BNC2: variants seen among roughly 807,000 people sequenced by gnomAD.
The protein encoded by BNC2 is basonuclin zinc finger protein 2.
BNC2 carries 20 observed loss-of-function variants against 76.3 expected under a neutral mutation model. The ratio of observed to expected loss-of-function variants is 0.26; its 90% CI spans 0.18 to 0.38. The LOEUF (loss-of-function observed/expected upper bound fraction) is 0.38, where lower values mean the gene tolerates loss of function less well. Ranked by LOEUF, BNC2 falls within the 10% of genes least tolerant of loss-of-function variation. The pLI, the probability that BNC2 is intolerant of heterozygous loss-of-function variation, is 1.00. For missense variants in BNC2, 1,382 were observed against 1,399.8 expected (o/e 0.99, Z 0.20); for synonymous variants, 582 against 514.8 (o/e 1.13, Z -1.77).
chr9:16,725,174 T>C (rs1824272850), intron 3 of BNC2, among the ~76,000 whole-genome samples: 1 of 151,210 alleles, frequency 6.6e-6, no homozygotes, highest in African/African-American at 2.4e-5. Flanking sequence ...AATGGCTGGC[T>C]TCAAGAGATA....
At chr9:16,425,081 G>C (rs1167076692) in intron 6 of BNC2, among the ~76,000 whole-genome samples, 1 of 152,080 alleles carries the variant, frequency 6.6e-6, no homozygotes, top group Non-Finnish European at 1.5e-5. Context: ...CCAAATGTAA[G>C]GAAGTACATA....
chr9:16,857,419 G>A (rs1011706800), intron 1 of BNC2, among the ~76,000 whole-genome samples: 7 of 144,284 alleles, frequency 4.9e-5, no homozygotes, highest in Non-Finnish European at 1.0e-4. Context: ...GGAGGTTGCA[G>A]TGAGCCGACA....
At chr9:16,481,157 G>A (rs1587078710) in intron 5 of BNC2, among the ~76,000 whole-genome samples, 1 of 152,222 alleles carries the variant, frequency 6.6e-6, no homozygotes, top group South Asian at 2.1e-4. Context: ...TAACTAATCT[G>A]ATGGGGAGGT....
chr9:16,723,151 T>C (rs913812722), intron 3 of BNC2, among the ~76,000 whole-genome samples: 1 of 152,150 alleles, frequency 6.6e-6, no homozygotes, highest in Non-Finnish European at 1.5e-5. Flanking sequence ...TTAGTCAATT[T>C]AATCCTTTTT....
chr9:16,424,039 C>T (rs570077030), intron 6 of BNC2, among the ~76,000 whole-genome samples: 1 of 152,218 alleles, frequency 6.6e-6, no homozygotes, highest in South Asian at 2.1e-4. Context: ...TTGATGAAAA[C>T]TTTACCATGC....
chr9:16,608,284 T>C (rs1436490885), intron 3 of BNC2, among the ~76,000 whole-genome samples: 1 of 152,102 alleles, frequency 6.6e-6, no homozygotes, highest in Non-Finnish European at 1.5e-5. Context: ...ACATTAGAAA[T>C]ATTTTGCTTA....
chr9:16,668,982 G>A (rs1173174793), intron 3 of BNC2, among the ~76,000 whole-genome samples: 1 of 152,008 alleles, frequency 6.6e-6, no homozygotes, highest in Non-Finnish European at 1.5e-5. Flanking sequence ...TGTTCCTTCT[G>A]TCTCTACAGA....
intron 1 of BNC2, among the ~76,000 whole-genome samples, chr9:16,741,463 A>C (rs1162246144): frequency 2.0e-5 from 3 of 151,972 alleles, no homozygotes; most frequent in African/African-American, 7.3e-5. Flanking sequence ...CAAAAAAAAA[A>C]AATGAAACTC....
intron 1 of BNC2, among the ~76,000 whole-genome samples, chr9:16,747,466 T>G (rs148717675): frequency 6.6e-6 from 1 of 152,248 alleles, no homozygotes; most frequent in South Asian, 2.1e-4. Context: ...CCAGGTACTA[T>G]GCAAAACATA....
chr9:16,435,111 AAAT>A, intron 6 of BNC2: 1 of 471,288 alleles, frequency 2.1e-6, no homozygotes, highest in Non-Finnish European at 4.4e-6. Context: ...TATATTGGAT[AAAT>A]ATGTGTGTAT....
chr9:16,706,743 T>C (rs1271470149), intron 3 of BNC2, among the ~76,000 whole-genome samples: 3 of 152,098 alleles, frequency 2.0e-5, no homozygotes, highest in Non-Finnish European at 2.9e-5. Context: ...GCCATGCTAA[T>C]TCATGAGAGG....
intron 1 of BNC2, among the ~76,000 whole-genome samples, chr9:16,845,845 A>T (rs1818967467): frequency 6.6e-6 from 1 of 151,472 alleles, no homozygotes; most frequent in Non-Finnish European, 1.5e-5. Context: ...AACAATGCAG[A>T]ATTTATAAAA....
Position 16,410,004 on chromosome 9 carries a change from T to G in BNC2, c.*8985A>C, listed in dbSNP as rs1586997059. The G allele has an allele frequency of 1.3e-5, 2 of 152,232 alleles. No individual in the cohort carries two copies. The highest frequency in any genetic ancestry group is 2.1e-4 in the South Asian group (1 of 4,824). The allele number at this position is 152,232 out of a possible 1,614,324, so 9.4% of individuals were successfully genotyped here. A position where few individuals can be genotyped will look rare whatever the true frequency, so the allele number is the denominator to read the frequency against. ...TGAAAATTCCTTTTCTTCAAGATAT[T>G]TCAACTCCCTCTGGCCACTTTTGCT... On this transcript the variant is annotated 3_prime_UTR_variant, in exon 7 of 7. Transcript: ENST00000380672.
Position 16,410,159 on chromosome 9 carries a change from C to T in BNC2, c.*8830G>A, listed in dbSNP as rs1316143578. 1 of 152,146 alleles carries T rather than the reference C, an allele frequency of 6.6e-6. No individual in the cohort carries two copies. The highest frequency in any genetic ancestry group is 1.5e-5 in the Non-Finnish European group (1 of 68,034). The allele number at this position is 152,146 out of a possible 1,614,324, so 9.4% of individuals were successfully genotyped here. A position where few individuals can be genotyped will look rare whatever the true frequency, so the allele number is the denominator to read the frequency against. On this transcript the variant is annotated 3_prime_UTR_variant, in exon 7 of 7. Coordinates refer to ENST00000380672, the MANE Select transcript of BNC2 (RefSeq NM_017637.6). The stretch of plus-strand genomic sequence containing the variant: ...AGTTCTAAAAGGCCTAGTCCATCAC[C>T]AGCAGGAGAGAACAGAGAACTGGCT...
At chr9:16,461,321 T>A (rs1333957847) in intron 5 of BNC2, among the ~76,000 whole-genome samples, 2 of 152,174 alleles carry the variant, frequency 1.3e-5, no homozygotes, top group African/African-American at 4.8e-5. Flanking sequence ...TCCATGTTTT[T>A]AATTAAAGTA....
At chr9:16,538,094 T>C (rs966395498) in intron 5 of BNC2, among the ~76,000 whole-genome samples, 2 of 152,152 alleles carry the variant, frequency 1.3e-5, no homozygotes, top group Non-Finnish European at 2.9e-5. Context: ...TTAGCAATCA[T>C]AATTTATATT....
Position 16,417,298 on chromosome 9 carries a change from T to C in BNC2, c.*1691A>G, listed in dbSNP as rs1820605159. On this transcript the variant is annotated 3_prime_UTR_variant, in exon 7 of 7. Transcript: ENST00000380672. ...GTGGTTAACCAGCTCAGGCAACATG[T>C]GTAAACATCGGAAACAAAACAAAAC... 6.6e-6 allele frequency: 1 copy of C among 152,642 alleles called. No individual in the cohort carries two copies. The highest frequency in any genetic ancestry group is 1.5e-5 in the Non-Finnish European group (1 of 68,036). The allele number at this position is 152,642 out of a possible 1,614,324, so 9.5% of individuals were successfully genotyped here. A position where few individuals can be genotyped will look rare whatever the true frequency, so the allele number is the denominator to read the frequency against.
At chr9:16,443,500 T>G (rs1821171655) in intron 5 of BNC2, among the ~76,000 whole-genome samples, 1 of 151,562 alleles carries the variant, frequency 6.6e-6, no homozygotes, top group Non-Finnish European at 1.5e-5. Context: ...CTACCTAGCT[T>G]AAGTATTCCA....
chr9:16,775,171 A>C (rs1825930083), intron 1 of BNC2, among the ~76,000 whole-genome samples: 1 of 152,188 alleles, frequency 6.6e-6, no homozygotes, highest in Non-Finnish European at 1.5e-5. Context: ...GGGGCCCAGC[A>C]ATCTGTGATT....
Sources: allele counts gnomAD v4.1 joint callset (sites outside exome capture counted in the v4.1 genomes callset), GRCh38; gene constraint gnomAD v4.1.1; transcripts MANE v1.5; gene names NCBI Gene and HGNC (gene_info 2026-07-23, HGNC 2026-07-21).